The following FSIP1 variants were observed in gnomAD, a reference collection of about 807,000 sequenced individuals.
FSIP1 encodes the protein fibrous sheath interacting protein 1.
FSIP1 carries 65 observed loss-of-function variants against 60.9 expected under a neutral mutation model. The observed-to-expected ratio is 1.07, with a 90% confidence interval of 0.87 to 1.31. The LOEUF (loss-of-function observed/expected upper bound fraction) is 1.31, where lower values mean the gene tolerates loss of function less well. Among genes scored for constraint, FSIP1 ranks in the 40% most tolerant of loss-of-function variants. The pLI is 0.00. For missense variants in FSIP1, 675 were observed against 665.5 expected (o/e 1.01, Z -0.16); for synonymous variants, 209 against 221.2 (o/e 0.94, Z 0.49).
chr15:39,634,553 C>A (rs746866830), intron 10 of FSIP1, among the ~76,000 whole-genome samples: 6 of 152,200 alleles, frequency 3.9e-5, no homozygotes, highest in Non-Finnish European at 7.3e-5. Flanking sequence ...TAACTCAGCC[C>A]TATTTGTCAA....
intron 5 of FSIP1, among the ~76,000 whole-genome samples, chr15:39,761,780 G>C (rs1897507451): frequency 6.6e-6 from 1 of 152,182 alleles, no homozygotes; most frequent in Non-Finnish European, 1.5e-5. Context: ...GAATTAGCTT[G>C]ATTTAATTAT....
chr15:39,710,441 G>GAAAAAAAAAAAAAA (rs397945950), intron 10 of FSIP1, among the ~76,000 whole-genome samples: 1 of 74,258 alleles, frequency 1.3e-5, no homozygotes, highest in Non-Finnish European at 3.0e-5. Context: ...CTCTGTCTCA[G>GAAAAAAAAAAAAAA]AAAAAAAAAA....
In FSIP1 at chr15:39,713,727, A is replaced by G. The variant is rs961295913; in HGVS notation, c.1051-146T>C. 6.0e-5 allele frequency: 40 copies of G among 666,498 alleles called. No individual in the cohort carries two copies. The African/African-American group carries it at 6.4e-4, about 11-fold the overall frequency. The allele number at this position is 666,498 out of a possible 1,614,324, so 41.3% of individuals were successfully genotyped here. A position where few individuals can be genotyped will look rare whatever the true frequency, so the allele number is the denominator to read the frequency against. On this transcript the variant is annotated intron_variant, in intron 9 of 11. Transcript: ENST00000350221. ...CAAAACAATATGTATAACGCTTTAA[A>G]GTCTTCCCATTTTAGGAGGTAAATG...
chr15:39,614,282 G>A (rs1179392638), intron 11 of FSIP1, among the ~76,000 whole-genome samples: 1 of 151,682 alleles, frequency 6.6e-6, no homozygotes, highest in Non-Finnish European at 1.5e-5. Flanking sequence ...TATACATTAA[G>A]AACAAACTAT....
At chr15:39,602,249 C>T (rs1170667058) in intron 11 of FSIP1, 6 of 443,662 alleles carry the variant, frequency 1.4e-5, no homozygotes, top group Admixed American at 2.5e-5. Context: ...AATGTGAAGA[C>T]GGAGGCAGAG....
intron 9 of FSIP1, among the ~76,000 whole-genome samples, chr15:39,719,116 G>C (rs28421809): frequency 0.12 from 18,051 of 152,282 alleles, 1,304 homozygotes; most frequent in African/African-American, 0.2. Flanking sequence ...CAGAGGCCAA[G>C]AGGGGGCAAG....
chr15:39,639,540 C>A (rs1274764628), intron 10 of FSIP1, among the ~76,000 whole-genome samples: 5 of 152,190 alleles, frequency 3.3e-5, no homozygotes, highest in Admixed American at 2.0e-4. Context: ...GAACTACATA[C>A]AATATATTTT....
chr15:39,723,759 G>A (rs1896078192), intron 9 of FSIP1, among the ~76,000 whole-genome samples: 1 of 152,200 alleles, frequency 6.6e-6, no homozygotes, highest in Admixed American at 6.5e-5. Context: ...AATGTTTGTG[G>A]ATTAGCAACT....
In FSIP1 at chr15:39,781,013, C is replaced by T. The variant is rs148749359; in HGVS notation, c.-8+1615G>A. Among the ~76,000 whole-genome samples the T allele has an allele frequency of 3.4e-3, 512 of 152,258 alleles. 7 individuals are homozygous for T. Among genetic ancestry groups the T allele is most frequent in the African/African-American group, 0.012 (494 of 41,560 alleles). ...AATTGGAAGGCATCAAAATTTAAAA[C>T]TTGTAGTCTTCAAAAGATGTTAAGA... is the stretch of plus-strand genomic sequence containing the variant. On this transcript the variant is annotated intron_variant, in intron 1 of 11. Transcript: ENST00000350221.
At chr15:39,682,708 C>T (rs1267233487) in intron 10 of FSIP1, among the ~76,000 whole-genome samples, 2 of 152,180 alleles carry the variant, frequency 1.3e-5, no homozygotes, top group Non-Finnish European at 2.9e-5. Context: ...TTTCCACTAC[C>T]TTCCAAAATA....
intron 10 of FSIP1, among the ~76,000 whole-genome samples, chr15:39,711,280 G>C (rs1046524452): frequency 8.6e-5 from 13 of 151,940 alleles, no homozygotes; most frequent in Admixed American, 4.6e-4. Flanking sequence ...TTCTCACTAC[G>C]TCCTCACATG....
intron 10 of FSIP1, among the ~76,000 whole-genome samples, chr15:39,662,711 A>G (rs1177995022): frequency 1.2e-4 from 9 of 77,958 alleles, no homozygotes; most frequent in Non-Finnish European, 2.8e-4. Flanking sequence ...AAAACCCACT[A>G]AGTCACTGAA....
rs796493009 is a variant in FSIP1, at chr15:39,776,557, T to C, written c.-7-26A>G. On this transcript the variant is annotated intron_variant, in intron 1 of 11. Coordinates refer to ENST00000350221, the MANE Select transcript of FSIP1 (RefSeq NM_152597.5). ...CTGAAACAACAAATAAAATATTTAA[T>C]ACCAAGCGACTCGGATATTTAAATC... 6 of 1,482,966 alleles carry C rather than the reference T, an allele frequency of 4.0e-6. No individual in the cohort carries two copies. The African/African-American group carries it at 5.6e-5, about 14-fold the overall frequency. The allele number at this position is 1,482,966 out of a possible 1,614,324, so 91.9% of individuals were successfully genotyped here.
At chr15:39,714,544 T>C (rs1271211285) in intron 9 of FSIP1, among the ~76,000 whole-genome samples, 2 of 150,876 alleles carry the variant, frequency 1.3e-5, no homozygotes, top group Non-Finnish European at 2.9e-5. Flanking sequence ...CTTGTTTCTT[T>C]CTCACCGTCT....
intron 5 of FSIP1, among the ~76,000 whole-genome samples, chr15:39,763,423 T>A (rs774702748): frequency 6.6e-6 from 1 of 152,114 alleles, no homozygotes; most frequent in African/African-American, 2.4e-5. Flanking sequence ...TATAGGACTG[T>A]GAGAGACCAG....
At chr15:39,739,252 G>C (rs1413733455) in intron 7 of FSIP1, among the ~76,000 whole-genome samples, 1 of 152,134 alleles carries the variant, frequency 6.6e-6, no homozygotes, top group African/African-American at 2.4e-5. Flanking sequence ...GCTCTGCCAG[G>C]AGCATTTTCC....
chr15:39,650,460 T>C (rs930180984), intron 10 of FSIP1, among the ~76,000 whole-genome samples: 2 of 152,176 alleles, frequency 1.3e-5, no homozygotes, highest in African/African-American at 4.8e-5. Context: ...AGTCCTCCCT[T>C]ATGACTAAAA....
intron 6 of FSIP1, 84 bp downstream of exon 6, chr15:39,741,721 G>T (rs569041266): frequency 1.4e-6 from 1 of 711,568 alleles, no homozygotes. Context: ...TAAATTACAT[G>T]AACTTATTTC....
chr15:39,710,958 G>A (rs1936939265), intron 10 of FSIP1, among the ~76,000 whole-genome samples: 1 of 152,132 alleles, frequency 6.6e-6, no homozygotes, highest in African/African-American at 2.4e-5. Flanking sequence ...CTTGACATTT[G>A]TCATATCCCT....
Sources: allele counts gnomAD v4.1 joint callset (sites outside exome capture counted in the v4.1 genomes callset), GRCh38; gene constraint gnomAD v4.1.1; transcripts MANE v1.5; gene names NCBI Gene and HGNC (gene_info 2026-07-23, HGNC 2026-07-21).